Variants in RWDD1 observed in about 807,000 individuals in gnomAD.
RWDD1 encodes the protein RWD domain-containing protein 1.
In RWDD1, 17 loss-of-function variants were observed where a neutral mutation model predicts 31.6. The observed-to-expected ratio is 0.54, with a 90% CI of 0.37 to 0.81. The LOEUF is 0.81. Ranked by LOEUF, RWDD1 falls within the 30% of genes least tolerant of loss-of-function variation. The probability of loss-of-function intolerance (pLI) is 0.00; values close to 1 mark genes in which losing one functional copy is unlikely to be tolerated. For synonymous variants in RWDD1, 78 were observed against 94.2 expected (o/e 0.83, Z 0.99); for missense variants, 204 against 274.5 (o/e 0.74, Z 1.82).
At chr6:116,581,341 G>A (rs1307672105) in intron 2 of RWDD1, among the ~76,000 whole-genome samples, 1 of 152,034 alleles carries the variant, frequency 6.6e-6, no homozygotes. Context: ...TTCCAAAATG[G>A]TGTGGTGATG....
At chr6:116,587,203 T>C (rs1775058542) in intron 3 of RWDD1, among the ~76,000 whole-genome samples, 1 of 152,144 alleles carries the variant, frequency 6.6e-6, no homozygotes, top group African/African-American at 2.4e-5. Context: ...GAAGTGTGGA[T>C]TAGCAAATTG....
At position 116,590,827 on chromosome 6, in the gene RWDD1, G is replaced by C. The variant is rs1775128859; in HGVS notation, c.548-61G>C. ...TTTTCAAATTTGCTTTCTAAGTATTGTAGTGAAAATGGAGAAAAACTATGC... is the reference window on the plus strand; with the variant it reads ...TTTTCAAATTTGCTTTCTAAGTATTCTAGTGAAAATGGAGAAAAACTATGC... On this transcript the variant is annotated intron_variant, in intron 5 of 6. Transcript: ENST00000466444. The C allele has an allele frequency of 5.3e-6, 8 of 1,517,588 alleles. No individual in the cohort carries two copies. The South Asian group carries it at 1.0e-4, about 20-fold the overall frequency. 94.0% of individuals were successfully genotyped at this position (1,517,588 alleles called of 1,614,324 possible).
Position 116,571,550 on chromosome 6 carries a change from C to T in RWDD1, c.-33C>T, listed in dbSNP as rs774363613. Reference sequence around the variant, plus strand: ...GGGCTGCTGCGCGCCGCCTAGGTGTCTGGGCGATCTATGGGCAAGAGCAAG... The same window carrying T: ...GGGCTGCTGCGCGCCGCCTAGGTGTTTGGGCGATCTATGGGCAAGAGCAAG... On this transcript the variant is annotated 5_prime_UTR_variant, in exon 1 of 7. Transcript: ENST00000466444. The T allele has an allele frequency of 6.2e-6, 10 of 1,607,694 alleles. No individual in the cohort carries two copies. Among genetic ancestry groups the T allele is most frequent in the Middle Eastern group, 1.7e-4 (1 of 6,038 alleles).
chr6:116,579,372 C>T lies in RWDD1; in HGVS notation c.74-923C>T, dbSNP rs1251003987. 5.9e-5 allele frequency among the ~76,000 whole-genome samples: 9 copies of T among 152,354 alleles called. No homozygotes were observed. The East Asian group carries it at 1.7e-3, about 29-fold the overall frequency. Reference sequence around the variant, plus strand: ...GTGAGGCATAGGCTTTTCTCATAGGCTTAGCAGCCATCCCTGGTAGCTTGA... The same window carrying T: ...GTGAGGCATAGGCTTTTCTCATAGGTTTAGCAGCCATCCCTGGTAGCTTGA... On this transcript the variant is annotated intron_variant, in intron 1 of 6. Transcript: ENST00000466444.
intron 1 of RWDD1, among the ~76,000 whole-genome samples, 173 bp downstream of exon 1, chr6:116,571,828 T>C (rs925390237): frequency 6.6e-6 from 1 of 151,982 alleles, no homozygotes; most frequent in Non-Finnish European, 1.5e-5. Context: ...ACCCAGTGAC[T>C]TTTTCTCCTT....
At position 116,594,786 on chromosome 6, in the gene RWDD1, A is replaced by T. The variant is rs903448842; in HGVS notation, c.*1685A>T. 1 of 152,226 alleles carries T rather than the reference A, an allele frequency of 6.6e-6. No homozygotes were observed. Among genetic ancestry groups the T allele is most frequent in the Non-Finnish European group, 1.5e-5 (1 of 68,032 alleles). The allele number at this position is 152,226 out of a possible 1,614,324, so 9.4% of individuals were successfully genotyped here. A position where few individuals can be genotyped will look rare whatever the true frequency, so the allele number is the denominator to read the frequency against. On this transcript the variant is annotated 3_prime_UTR_variant, in exon 7 of 7. Transcript: ENST00000466444. Reference sequence around the variant, plus strand: ...ACCCCAATAGGAAATCAGTTGTGCTATTTTAAATTCATAAAGCTATTATAA... The same window carrying T: ...ACCCCAATAGGAAATCAGTTGTGCTTTTTTAAATTCATAAAGCTATTATAA...
At chr6:116,585,481 G>C (rs1002719611) in intron 3 of RWDD1, among the ~76,000 whole-genome samples, 23 of 152,276 alleles carry the variant, frequency 1.5e-4, no homozygotes, top group African/African-American at 5.5e-4. Flanking sequence ...TGGGTAGACA[G>C]TTTTCATGGG....
At chr6:116,584,584 TA>T (rs1306230099) in intron 2 of RWDD1, 142 bp from the exon 3 acceptor site, 1 of 670,554 alleles carries the variant, frequency 1.5e-6, no homozygotes, top group Non-Finnish European at 2.6e-6. Context: ...ATGTGTTGTT[TA>T]CATTAGTGAT....
At chr6:116,574,362 A>G (rs1006338057) in intron 1 of RWDD1, among the ~76,000 whole-genome samples, 5 of 152,216 alleles carry the variant, frequency 3.3e-5, no homozygotes, top group Non-Finnish European at 4.4e-5. Flanking sequence ...CACATTTGAC[A>G]GTTATAATTG....
At chr6:116,590,751 C>T in intron 5 of RWDD1, 137 bp from the exon 6 acceptor site, 2 of 1,349,792 alleles carry the variant, frequency 1.5e-6, no homozygotes, top group Non-Finnish European at 2.0e-6. Flanking sequence ...TCATATGCCA[C>T]TTAGCTACTG....
chr6:116,596,503 G>T lies in RWDD1; in HGVS notation c.*3402G>T, dbSNP rs1263874654. 6.6e-6 allele frequency: 1 copy of T among 152,076 alleles called. No homozygotes were observed. Among genetic ancestry groups the T allele is most frequent in the African/African-American group, 2.4e-5 (1 of 41,378 alleles). The allele number at this position is 152,076 out of a possible 1,614,324, so 9.4% of individuals were successfully genotyped here. The stretch of plus-strand genomic sequence containing the variant: ...TAAATTGTTGGACAAAGCCATGAAA[G>T]GACTTTTAAAATTTTGTCATAAAAA... On this transcript the variant is annotated 3_prime_UTR_variant, in exon 7 of 7. Coordinates refer to ENST00000466444, the MANE Select transcript of RWDD1 (RefSeq NM_015952.4).
intron 4 of RWDD1, among the ~76,000 whole-genome samples, chr6:116,589,248 T>C (rs1043817357): frequency 2.6e-5 from 4 of 152,160 alleles, no homozygotes; most frequent in Non-Finnish European, 5.9e-5. Context: ...ACCTATGATA[T>C]AGAGCCAGGG....
chr6:116,585,962 C>T (rs1359508018), intron 3 of RWDD1, among the ~76,000 whole-genome samples: 2 of 151,988 alleles, frequency 1.3e-5, no homozygotes, highest in East Asian at 1.9e-4. Flanking sequence ...CCCAGCTCTT[C>T]GAACATCTTT....
intron 1 of RWDD1, chr6:116,572,984 G>T: frequency 2.0e-6 from 2 of 985,498 alleles, no homozygotes; most frequent in Non-Finnish European, 2.4e-6. Flanking sequence ...GTCATTAACT[G>T]GGTGAGTGTG....
chr6:116,576,710 T>G (rs1774852367), intron 1 of RWDD1, among the ~76,000 whole-genome samples: 1 of 152,214 alleles, frequency 6.6e-6, no homozygotes, highest in Non-Finnish European at 1.5e-5. Flanking sequence ...TGGTCTGAGT[T>G]GTTTCAGAAA....
chr6:116,577,327 C>A, intron 1 of RWDD1, among the ~76,000 whole-genome samples: 1 of 152,018 alleles, frequency 6.6e-6, no homozygotes. Flanking sequence ...TGTTATTATT[C>A]CTCTTACTTT....
At position 116,594,193 on chromosome 6, in the gene RWDD1, A is replaced by C. The variant is rs1583338319; in HGVS notation, c.*1092A>C. 6.6e-6 allele frequency: 1 copy of C among 150,606 alleles called. No individual in the cohort carries two copies. The highest frequency in any genetic ancestry group is 2.0e-4 in the East Asian group (1 of 5,116). The allele number at this position is 150,606 out of a possible 1,614,324, so 9.3% of individuals were successfully genotyped here. On this transcript the variant is annotated 3_prime_UTR_variant, in exon 7 of 7. Coordinates refer to ENST00000466444, the MANE Select transcript of RWDD1 (RefSeq NM_015952.4). ...CCCACAGGAAGGCATTAATCTATTT[A>C]TGAGGGATCTACCTGCTATAACCCA...
intron 2 of RWDD1, among the ~76,000 whole-genome samples, chr6:116,582,781 G>A (rs4946182): frequency 0.18 from 27,655 of 150,994 alleles, 2,695 homozygotes; most frequent in East Asian, 0.29. Context: ...TTTCTTCCTT[G>A]TGCTGATTTT....
rs114481393 is a variant in RWDD1, at chr6:116,580,152, G to C, written c.74-143G>C. 3,957 of 408,628 alleles carry C rather than the reference G, an allele frequency of 9.7e-3. 98 individuals carry two copies. The highest frequency in any genetic ancestry group is 0.059 in the South Asian group (668 of 11,380). The allele number at this position is 408,628 out of a possible 1,614,324, so 25.3% of individuals were successfully genotyped here. ...AGTTGATGGTAATTTTATCATTTCAGTGTTCTGTTCAGTCTGTATTTGTGG... is the reference window on the plus strand; with the variant it reads ...AGTTGATGGTAATTTTATCATTTCACTGTTCTGTTCAGTCTGTATTTGTGG... On this transcript the variant is annotated intron_variant, in intron 1 of 6. Coordinates refer to ENST00000466444, the MANE Select transcript of RWDD1 (RefSeq NM_015952.4).
Sources: gnomAD v4.1 joint callset for allele counts (sites outside exome capture counted in the v4.1 genomes callset) on GRCh38, gnomAD v4.1.1 for gene constraint, MANE v1.5 for transcripts, NCBI Gene and HGNC (gene_info 2026-07-23, HGNC 2026-07-21) for gene names.